MYH8: variants seen among roughly 807,000 people sequenced by gnomAD.
MYH8 encodes myosin heavy chain 8.
Under a neutral mutation model 233.2 loss-of-function variants are expected in MYH8, and 168 were observed. The ratio of observed to expected loss-of-function variants is 0.72; its 90% CI spans 0.64 to 0.82. The LOEUF is 0.82. Among genes scored for constraint, MYH8 ranks in the 40% least tolerant of loss-of-function variants. The pLI, the probability that MYH8 is intolerant of heterozygous loss-of-function variation, is 0.00. For synonymous variants in MYH8, 785 were observed against 850.6 expected, an observed-to-expected ratio of 0.92 and a Z score of 1.34; for missense variants, 1,995 against 2,327.8, an observed-to-expected ratio of 0.86 and a Z score of 2.94.
intron 9 of MYH8, among the ~76,000 whole-genome samples, chr17:10,414,750 G>T (rs190417707): frequency 6.6e-6 from 1 of 152,120 alleles, no homozygotes; most frequent in Admixed American, 6.5e-5. Context: ...TCCTTCTTTG[G>T]ATCACCTAGG....
At position 10,415,548 on chromosome 17, in the gene MYH8, G is replaced by T. The variant is rs1339759887; in HGVS notation, c.572C>A (p.Thr191Asn). 1 of 1,614,156 alleles carries T rather than the reference G, an allele frequency of 6.2e-7. No individual in the cohort carries two copies. Among genetic ancestry groups the T allele is most frequent in the Non-Finnish European group, 8.5e-7 (1 of 1,180,016 alleles). The change falls in exon 7 of 40, where the codon ACC becomes AAC. Residue 191 changes from threonine to asparagine, a missense_variant. By Grantham distance (65) the Thr-to-Asn change is moderately conservative (BLOSUM62 0). Around this residue, in one of 3 missense-constraint regions of MYH8, gnomAD observed 479 missense variants for 600.9 expected, o/e 0.80. Coordinates refer to ENST00000403437, the MANE Select transcript of MYH8 (RefSeq NM_002472.3). The surrounding 1 kb of genome is among the most constrained non-coding windows in gnomAD (Gnocchi z 4.1). The part of the protein sequence containing the change: ...GESGAGKTVN[T>N]KRVIQYFATI... ...TGCAAAGTATTGGATGACACGCTTGGTGTTCACAGTCTTTCCGGCACCAGA... is the reference window on the plus strand; with the variant it reads ...TGCAAAGTATTGGATGACACGCTTGTTGTTCACAGTCTTTCCGGCACCAGA...
intron 30 of MYH8, 149 bp from the exon 31 acceptor site, chr17:10,397,135 G>A: frequency 1.0e-6 from 1 of 952,416 alleles, no homozygotes; most frequent in Non-Finnish European, 1.6e-6. Flanking sequence ...CCATGCTGGA[G>A]TGCAGTGGTG....
rs1306300384 is a variant in MYH8, at chr17:10,401,174, T to C, written c.3126A>G (p.Glu1042=). The change falls in exon 25 of 40, where the codon GAA becomes GAG. Residue 1042 remains glutamate, a synonymous_variant. Transcript: ENST00000403437. ...GATCCATTCGAAGCTTCTTTTCTTG[T>C]TCCAGAGACCCTTCAAGCTAATAAG... is the stretch of plus-strand genomic sequence containing the variant. ...QQVDDLEGSL[E]QEKKLRMDLE... 9.9e-6 allele frequency: 16 copies of C among 1,613,782 alleles called. No individual in the cohort carries two copies. Among genetic ancestry groups the C allele is most frequent in the Non-Finnish European group, 1.4e-5 (16 of 1,179,960 alleles).
chr17:10,398,351 A>G (rs2072098015), intron 30 of MYH8, 93 bp downstream of exon 30: 4 of 1,588,848 alleles, frequency 2.5e-6, no homozygotes, highest in Non-Finnish European at 1.7e-6. Flanking sequence ...TATGCACTCA[A>G]TAAATGTTAG....
Position 10,397,001 on chromosome 17 carries a change from A to G in MYH8, c.4179-15T>C. On this transcript the variant is annotated splice_polypyrimidine_tract_variant and intron_variant, in intron 30 of 39. Transcript: ENST00000403437. ...CCAACTTTTTCCTGAAAAGTTAGCC[A>G]GGCAGTCAGGAGAATGGCCAAGACC... The G allele has an allele frequency of 6.2e-7, 1 of 1,614,114 alleles. No homozygotes were observed. Among genetic ancestry groups the G allele is most frequent in the Non-Finnish European group, 8.5e-7 (1 of 1,179,984 alleles).
Position 10,406,027 on chromosome 17 carries a change from T to G in MYH8, c.2432+14A>C, listed in dbSNP as rs1450904521. ...AAGGGACCTTATAATTCTGATATTCTGAATGATTGTTACCTCCTTTGCAAC... is the reference window on the plus strand; with the variant it reads ...AAGGGACCTTATAATTCTGATATTCGGAATGATTGTTACCTCCTTTGCAAC... On this transcript the variant is annotated intron_variant, in intron 21 of 39. Coordinates refer to ENST00000403437, the MANE Select transcript of MYH8 (RefSeq NM_002472.3). 1.9e-6 allele frequency: 3 copies of G among 1,613,110 alleles called. No individual in the cohort carries two copies. The highest frequency in any genetic ancestry group is 2.5e-6 in the Non-Finnish European group (3 of 1,179,340).
chr17:10,412,804 A>T, intron 12 of MYH8, 76 bp from the exon 13 acceptor site: 1 of 1,255,060 alleles, frequency 8.0e-7, no homozygotes, highest in African/African-American at 1.5e-5. Context: ...TTTTTCTCCA[A>T]TTCAATCTAT....
At chr17:10,397,100 G>T in intron 30 of MYH8, 114 bp from the exon 31 acceptor site, 2 of 1,271,358 alleles carry the variant, frequency 1.6e-6, no homozygotes, top group African/African-American at 1.5e-5. Context: ...TTCTTTTTTT[G>T]AGAGACGGAG....
At position 10,398,496 on chromosome 17, in the gene MYH8, T is replaced by C; in HGVS notation, c.4126A>G (p.Thr1376Ala). 1 of 1,614,056 alleles carries C rather than the reference T, an allele frequency of 6.2e-7. No homozygotes were observed. The highest frequency in any genetic ancestry group is 8.5e-7 in the Non-Finnish European group (1 of 1,179,944). ...KANSEVAQWR[T>A]KYETDAIQRT... The stretch of plus-strand genomic sequence containing the variant: ...TGGATGGCATCCGTCTCGTATTTGG[T>C]TCTCCACTGGGCAACCTCACTGTTG... The change falls in exon 30 of 40, where the codon ACC becomes GCC. Residue 1376 changes from threonine to alanine, a missense_variant. By Grantham distance (58) the Thr-to-Ala change is moderately conservative. Around this residue, in one of 3 missense-constraint regions of MYH8, gnomAD observed 1,498 missense variants for 1,680.9 expected, o/e 0.89. Coordinates refer to ENST00000403437, the MANE Select transcript of MYH8 (RefSeq NM_002472.3).
chr17:10,401,001 T>G lies in MYH8; in HGVS notation c.3255-42A>C, dbSNP rs371087676. 48 of 1,613,738 alleles carry G rather than the reference T, an allele frequency of 3.0e-5. No homozygotes were observed. The East Asian group carries it at 7.6e-4, about 25-fold the overall frequency. On this transcript the variant is annotated intron_variant, in intron 25 of 39. Transcript: ENST00000403437. ...AAGACGTATTAATACTCATGTGAAT[T>G]GAAAGATGATATCACATAGAAGTTT...
At chr17:10,410,635 A>G (rs1267254897) in intron 15 of MYH8, 142 bp downstream of exon 15, 4 of 1,342,140 alleles carry the variant, frequency 3.0e-6, no homozygotes, top group South Asian at 2.4e-5. Flanking sequence ...GAAGTTAAAA[A>G]GAGGAAGTAA....
rs1345117942 is a variant in MYH8 at position 10,398,865 on chromosome 17, T to C, written c.3884A>G (p.Asp1295Gly). ...CTGAGAGACTAAAGCATCTTTCTCA[T>C]CTAATTGTCGAGAATATTCACCTAG... The part of the protein sequence containing the change: ...TEAGEYSRQL[D>G]EKDALVSQLS... The change falls in exon 29 of 40, where the codon GAT becomes GGT. Residue 1295 changes from aspartate to glycine, a missense_variant. Coordinates refer to ENST00000403437, the MANE Select transcript of MYH8 (RefSeq NM_002472.3). 1.9e-6 allele frequency: 3 copies of C among 1,613,208 alleles called. No homozygotes were observed. Among genetic ancestry groups the C allele is most frequent in the Non-Finnish European group, 2.5e-6 (3 of 1,179,970 alleles).
At chr17:10,414,508 G>A (rs1488498671) in intron 9 of MYH8, 24 bp from the exon 10 acceptor site, 1 of 1,506,528 alleles carries the variant, frequency 6.6e-7, no homozygotes, top group Non-Finnish European at 9.2e-7. Context: ...TAGATATCGA[G>A]TTTGAAAAAA....
Position 10,406,741 on chromosome 17 carries a change from A to C in MYH8, c.2120T>G (p.Ile707Ser). 6.2e-7 allele frequency: 1 copy of C among 1,614,216 alleles called. No homozygotes were observed. The highest frequency in any genetic ancestry group is 2.2e-5 in the East Asian group (1 of 44,886). The change falls in exon 19 of 40, where the codon ATC becomes AGC. Residue 707 changes from isoleucine to serine, a missense_variant. Ile to Ser is a moderately radical substitution (Grantham distance 142). Transcript: ENST00000403437. ...RCNGVLEGIR[I>S]CRKGFPSRIL... is the part of the protein sequence containing the mutation. ...TCTGCTTGGGAATCCTTTCCTACAG[A>C]TGCGGATGCCTTCCAGCACACCATT...
chr17:10,392,881 G>A lies in MYH8; in HGVS notation c.5413C>T (p.Gln1805Ter). The A allele has an allele frequency of 6.2e-7, 1 of 1,614,152 alleles. No individual in the cohort carries two copies. ...TTCTTCCCACCCTTCAGCGCCAGCT[G>A]CTCGGCCTCATCTAGACGATGCTGC... Reference protein sequence around the residue: ...DLQHRLDEAEQLALKGGKKQI... With the variant: ...DLQHRLDEAE The change falls in exon 37 of 40, where the codon CAG (glutamine) becomes TAG (stop). Residue 1805 changes from glutamine to a stop codon, truncating the protein, a stop_gained. Transcript: ENST00000403437. LOFTEE classifies it high-confidence loss of function.
intron 10 of MYH8, 44 bp downstream of exon 10, chr17:10,414,342 A>G (rs184772543): frequency 1.9e-6 from 3 of 1,603,818 alleles, no homozygotes; most frequent in South Asian, 2.2e-5. Context: ...GACATTGTTA[A>G]TAAAAATATT....
intron 15 of MYH8, among the ~76,000 whole-genome samples, chr17:10,410,174 C>T (rs1390645288): frequency 6.6e-6 from 1 of 152,102 alleles, no homozygotes; most frequent in African/African-American, 2.4e-5. Flanking sequence ...CATAGTGGCA[C>T]ATGCCTGTGG....
chr17:10,397,888 GTTT>G (rs904734445), intron 30 of MYH8, among the ~76,000 whole-genome samples: 1 of 151,942 alleles, frequency 6.6e-6, no homozygotes, highest in Non-Finnish European at 1.5e-5. Context: ...ACAAAGGCAG[GTTT>G]TTTTTCCCTC....
At position 10,391,552 on chromosome 17, in the gene MYH8, T is replaced by C. The variant is rs28415448; in HGVS notation, c.5664+330A>G. On this transcript the variant is annotated intron_variant, in intron 39 of 39. Coordinates refer to ENST00000403437, the MANE Select transcript of MYH8 (RefSeq NM_002472.3). ...AAAACCAGCCAGGTGTGGTGGTGCA[T>C]GCCTGTTGTCCCAGCTACTGGAGAG... is the stretch of plus-strand genomic sequence containing the variant. Among the ~76,000 whole-genome samples, 903 of 152,202 alleles carry C rather than the reference T, an allele frequency of 5.9e-3. 8 individuals are homozygous for C. The highest frequency in any genetic ancestry group is 0.021 in the African/African-American group (867 of 41,526).
Sources: allele counts gnomAD v4.1 joint callset (sites outside exome capture counted in the v4.1 genomes callset), GRCh38; gene constraint gnomAD v4.1.1; regional missense constraint gnomAD v4.1.1; non-coding constraint Gnocchi (gnomAD v3.1); transcripts MANE v1.5; gene names NCBI Gene and HGNC (gene_info 2026-07-23, HGNC 2026-07-21).